CENPP: variants seen among roughly 807,000 people sequenced by gnomAD.
CENPP encodes centromere protein P.
Under a neutral mutation model 35.6 loss-of-function variants are expected in CENPP, and 24 were observed. That is an observed-to-expected ratio of 0.67 (90% CI 0.49 to 0.95). The LOEUF (loss-of-function observed/expected upper bound fraction) is 0.95, where lower values mean the gene tolerates loss of function less well. CENPP is among the 40% of genes least tolerant of loss of function. The pLI, the probability that CENPP is intolerant of heterozygous loss-of-function variation, is 0.00. For synonymous variants in CENPP, 120 were observed against 125.5 expected (o/e 0.96, Z 0.29); for missense variants, 332 against 345.3 (o/e 0.96, Z 0.31).
chr9:92,607,867 G>C (rs1851125077), intron 5 of CENPP, among the ~76,000 whole-genome samples: 1 of 152,178 alleles, frequency 6.6e-6, no homozygotes, highest in Non-Finnish European at 1.5e-5. Context: ...ACTGGGGCTG[G>C]ATATCAAATT....
At chr9:92,353,042 A>G (rs1178940871) in intron 4 of CENPP, among the ~76,000 whole-genome samples, 1 of 152,164 alleles carries the variant, frequency 6.6e-6, no homozygotes, top group Non-Finnish European at 1.5e-5. Context: ...CCTTCATAAA[A>G]CCAGAAACTC....
intron 5 of CENPP, among the ~76,000 whole-genome samples, chr9:92,405,605 T>A (rs1270556585): frequency 1.3e-5 from 2 of 152,204 alleles, no homozygotes; most frequent in Non-Finnish European, 2.9e-5. Flanking sequence ...AAAACTTTTT[T>A]AAATACTTTG....
intron 5 of CENPP, among the ~76,000 whole-genome samples, chr9:92,600,924 G>T (rs1246981782): frequency 6.6e-6 from 1 of 152,188 alleles, no homozygotes; most frequent in South Asian, 2.1e-4. Flanking sequence ...CACTGAGGGC[G>T]ACTGATCTCT....
chr9:92,327,736 A>G (rs984027216), intron 1 of CENPP, among the ~76,000 whole-genome samples: 2 of 152,228 alleles, frequency 1.3e-5, no homozygotes, highest in Non-Finnish European at 2.9e-5. Flanking sequence ...CAGGGGAATC[A>G]GTTAGCATCT....
At position 92,427,304 on chromosome 9, in the gene CENPP, A is replaced by G. The variant is rs1278331785; in HGVS notation, c.564+47445A>G. Among the ~76,000 whole-genome samples the G allele has an allele frequency of 2.0e-5, 3 of 152,110 alleles. No homozygotes were observed. In the South Asian group the frequency reaches 6.2e-4, roughly 32 times the overall value. ...CAGCCTCCTGACTAGCTGGGATTAC[A>G]GGTGTGCACCACCACACCCAGCTAA... is the stretch of plus-strand genomic sequence containing the variant. On this transcript the variant is annotated intron_variant, in intron 5 of 7. Coordinates refer to ENST00000375587, the MANE Select transcript of CENPP (RefSeq NM_001012267.3).
At chr9:92,605,001 A>G (rs1415894478) in intron 5 of CENPP, among the ~76,000 whole-genome samples, 1 of 151,716 alleles carries the variant, frequency 6.6e-6, no homozygotes, top group Non-Finnish European at 1.5e-5. Flanking sequence ...CCTTTTTTTG[A>G]GACAACAGAA....
At chr9:92,498,562 TATTA>T (rs1003624400) in intron 5 of CENPP, among the ~76,000 whole-genome samples, 1 of 152,238 alleles carries the variant, frequency 6.6e-6, no homozygotes, top group East Asian at 1.9e-4. Flanking sequence ...TCAAAAATAA[TATTA>T]ATTCAAAAAG....
intron 5 of CENPP, among the ~76,000 whole-genome samples, chr9:92,568,479 C>G (rs1465984484): frequency 1.3e-5 from 2 of 152,180 alleles, no homozygotes; most frequent in Non-Finnish European, 1.5e-5. Flanking sequence ...TTAATCCAGT[C>G]TATCATTGAT....
At chr9:92,379,937 C>A (rs2130867547) in intron 5 of CENPP, 78 bp downstream of exon 5, 1 of 918,962 alleles carries the variant, frequency 1.1e-6, no homozygotes, top group Non-Finnish European at 1.8e-6. Context: ...CCCTAACATC[C>A]TTTTCTTAAA....
At chr9:92,608,008 G>A (rs924099929) in intron 5 of CENPP, among the ~76,000 whole-genome samples, 2 of 152,174 alleles carry the variant, frequency 1.3e-5, no homozygotes, top group Non-Finnish European at 2.9e-5. Flanking sequence ...AGCTTAAGAC[G>A]AGCTTTCCTG....
Position 92,416,159 on chromosome 9 carries a change from G to A in CENPP, c.564+36300G>A, listed in dbSNP as rs113869109. On this transcript the variant is annotated intron_variant, in intron 5 of 7. Transcript: ENST00000375587. ...CTGTCATCCAGGCCAGAAAGCAGTG[G>A]CATGATCTCAGCTCACTGCAACCTC... 9.6e-3 allele frequency among the ~76,000 whole-genome samples: 1,432 copies of A among 149,174 alleles called. 27 individuals carry two copies. Among genetic ancestry groups the A allele is most frequent in the African/African-American group, 0.034 (1,362 of 40,470 alleles).
At chr9:92,345,581 C>T in intron 3 of CENPP, 118 bp from the exon 4 acceptor site, 42 of 542,672 alleles carry the variant, frequency 7.7e-5, no homozygotes, top group East Asian at 1.7e-4. Context: ...TGTTTTGTTT[C>T]TGTCATGATT....
chr9:92,574,678 A>G (rs1399103846), intron 5 of CENPP, among the ~76,000 whole-genome samples: 6 of 152,354 alleles, frequency 3.9e-5, no homozygotes, highest in African/African-American at 9.6e-5. Context: ...TGAAATCTCT[A>G]TCAAAATTCC....
At chr9:92,412,728 A>G (rs1843478371) in intron 5 of CENPP, among the ~76,000 whole-genome samples, 1 of 152,198 alleles carries the variant, frequency 6.6e-6, no homozygotes. Context: ...CACTGTATGG[A>G]TATATCACAT....
chr9:92,397,818 C>T (rs999889024), intron 5 of CENPP, among the ~76,000 whole-genome samples: 2 of 152,156 alleles, frequency 1.3e-5, no homozygotes, highest in Non-Finnish European at 2.9e-5. Context: ...CGGATATAAA[C>T]ATATACAATA....
intron 5 of CENPP, among the ~76,000 whole-genome samples, chr9:92,581,562 G>A (rs1463958321): frequency 6.6e-6 from 1 of 152,128 alleles, no homozygotes. Flanking sequence ...TACTCTCAGA[G>A]AAAATAATAG....
intron 4 of CENPP, among the ~76,000 whole-genome samples, chr9:92,354,042 A>G (rs1797199166): frequency 1.3e-5 from 2 of 152,210 alleles, no homozygotes; most frequent in African/African-American, 4.8e-5. Flanking sequence ...AGTGAATTCC[A>G]TGAGCATGAG....
chr9:92,344,459 A>G (rs1024989694), intron 3 of CENPP, among the ~76,000 whole-genome samples: 2 of 152,120 alleles, frequency 1.3e-5, no homozygotes, highest in Non-Finnish European at 2.9e-5. Context: ...TTACCAGTTT[A>G]AAGTGTACAG....
intron 5 of CENPP, among the ~76,000 whole-genome samples, chr9:92,461,144 T>G (rs1362197649): frequency 6.6e-6 from 1 of 152,226 alleles, no homozygotes; most frequent in East Asian, 1.9e-4. Flanking sequence ...TCTATTTTTA[T>G]TTTGCCATAT....
Sources: gnomAD v4.1 joint callset for allele counts (sites outside exome capture counted in the v4.1 genomes callset) on GRCh38, gnomAD v4.1.1 for gene constraint, MANE v1.5 for transcripts, NCBI Gene and HGNC (gene_info 2026-07-23, HGNC 2026-07-21) for gene names.